GP6: variants seen among roughly 807,000 people sequenced by gnomAD.
The protein encoded by GP6 is platelet glycoprotein VI.
A neutral mutation model predicts 37.3 loss-of-function variants in GP6; 45 were observed. The observed-to-expected ratio is 1.21, with a 90% CI of 0.95 to 1.55. The LOEUF (loss-of-function observed/expected upper bound fraction) is 1.55, where lower values mean the gene tolerates loss of function less well. Ranked by LOEUF, GP6 falls within the 40% of genes most tolerant of loss-of-function variation. The pLI, the probability that GP6 is intolerant of heterozygous loss-of-function variation, is 0.00. For synonymous variants in GP6, 340 were observed against 316.4 expected, an observed-to-expected ratio of 1.07 and a Z score of -0.79; for missense variants, 813 against 760.2, an observed-to-expected ratio of 1.07 and a Z score of -0.82.
Position 55,015,695 on chromosome 19 carries a change from C to A in GP6, c.763G>T (p.Asp255Tyr), listed in dbSNP as rs770106401. 1 of 1,581,240 alleles carries A rather than the reference C, an allele frequency of 6.3e-7. No homozygotes were observed. Among genetic ancestry groups the A allele is most frequent in the African/African-American group, 1.3e-5 (1 of 74,602 alleles). ...ATGACTTACTCACCAGCTGGAGAGT[C>A]TGACTCCTTTGGACTGGCGGTGATA... Residue 255 changes from aspartate to tyrosine, a missense_variant, in exon 7 of 8, where the codon GAC becomes TAC. By Grantham distance (160) the Asp-to-Tyr change is radical (BLOSUM62 -3). Coordinates refer to ENST00000310373, the MANE Select transcript of GP6 (RefSeq NM_001083899.2).
chr19:55,029,351 TATATATATATATATATATATATA>T (rs1244525736), intron 3 of GP6, among the ~76,000 whole-genome samples: 340 of 3,356 alleles, frequency 0.1, 10 homozygotes, highest in East Asian at 0.16. Context: ...TATATATATA[TATATATATATATATATATATATA>T]TTTTTTTTTT....
intron 6 of GP6, among the ~76,000 whole-genome samples, chr19:55,016,936 G>T (rs888304732): frequency 6.6e-6 from 1 of 151,796 alleles, no homozygotes; most frequent in African/African-American, 2.4e-5. Flanking sequence ...CACACCTGTA[G>T]TCCCAGCTAC....
rs2074598431 is a variant in GP6, at chr19:55,032,402, A to G, written c.68-6T>C. On this transcript the variant is annotated splice_region_variant and splice_polypyrimidine_tract_variant and intron_variant, in intron 2 of 7. Transcript: ENST00000310373. Reference sequence around the variant, plus strand: ...GGAGGGCTTGGGGAGCGGTCCTGGAAGAGGAGCAGGGCTGGGTCAGCCTCC... The same window carrying G: ...GGAGGGCTTGGGGAGCGGTCCTGGAGGAGGAGCAGGGCTGGGTCAGCCTCC... 6.2e-7 allele frequency: 1 copy of G among 1,612,388 alleles called. No homozygotes were observed. The highest frequency in any genetic ancestry group is 1.1e-5 in the South Asian group (1 of 90,872).
In GP6 at chr19:55,014,241, G is replaced by C. The variant is rs749043915; in HGVS notation, c.1704C>G (p.Tyr568Ter). Residue 568 changes from tyrosine (Y) to a stop codon, truncating the protein, a stop_gained, in exon 8 of 8, where the codon TAC becomes TAG. Coordinates refer to ENST00000310373, the MANE Select transcript of GP6 (RefSeq NM_001083899.2). LOFTEE classifies it high-confidence loss of function. Reference sequence around the variant, plus strand: ...ACCTCAGCCCCCTGAGTTGCTGGGAGTATAGGGATGCACCACCACACCTGG... The same window carrying C: ...ACCTCAGCCCCCTGAGTTGCTGGGACTATAGGGATGCACCACCACACCTGG... 1.1e-6 allele frequency: 1 copy of C among 914,264 alleles called. No homozygotes were observed. Among genetic ancestry groups the C allele is most frequent in the Non-Finnish European group, 1.8e-6 (1 of 556,758 alleles). The allele number at this position is 914,264 out of a possible 1,614,324, so 56.6% of individuals were successfully genotyped here. A position where few individuals can be genotyped will look rare whatever the true frequency, so the allele number is the denominator to read the frequency against.
intron 3 of GP6, among the ~76,000 whole-genome samples, chr19:55,030,762 G>A (rs2074533724): frequency 1.3e-5 from 2 of 152,338 alleles, no homozygotes; most frequent in South Asian, 4.1e-4. Context: ...CGGGGTCTGG[G>A]AACAGAAATA....
chr19:55,026,479 T>C (rs2074306935), intron 4 of GP6, among the ~76,000 whole-genome samples: 1 of 152,228 alleles, frequency 6.6e-6, no homozygotes, highest in African/African-American at 2.4e-5. Context: ...TCAAGGTATA[T>C]CCATGTTGTA....
At chr19:55,029,083 G>C (rs1387875887) in intron 3 of GP6, among the ~76,000 whole-genome samples, 2 of 143,892 alleles carry the variant, frequency 1.4e-5, no homozygotes, top group Non-Finnish European at 3.0e-5. Context: ...CACTCAACAA[G>C]AAGAAAAAGA....
chr19:55,032,309 G>A lies in GP6; in HGVS notation c.155C>T (p.Pro52Leu), dbSNP rs764355964. Residue 52 changes from proline to leucine, a missense_variant, in exon 3 of 8, where the codon CCG becomes CTG. Transcript: ENST00000310373. ...CTCCAGGCGGTACAGGTCCACGCCC[G>A]GAGGTCCCTGGCACCGGAGGGTCAC... 26 of 1,614,008 alleles carry A rather than the reference G, an allele frequency of 1.6e-5. No homozygotes were observed. The highest frequency in any genetic ancestry group is 5.5e-5 in the South Asian group (5 of 91,090).
intron 3 of GP6, 141 bp downstream of exon 3, chr19:55,031,998 G>A (rs563381976): frequency 5.0e-6 from 4 of 807,428 alleles, no homozygotes; most frequent in African/African-American, 3.4e-5. Context: ...TATTCACATT[G>A]ATCCATAAAT....
At chr19:55,024,300 G>GCTCA (rs2074200482) in intron 5 of GP6, among the ~76,000 whole-genome samples, 1 of 121,864 alleles carries the variant, frequency 8.2e-6, no homozygotes, top group Non-Finnish European at 1.7e-5. Context: ...ATGCACGCAT[G>GCTCA]CACACACATA....
chr19:55,022,123 C>G (rs1454314788), intron 5 of GP6, among the ~76,000 whole-genome samples: 2 of 152,024 alleles, frequency 1.3e-5, no homozygotes, highest in East Asian at 3.9e-4. Context: ...ATGATACTTT[C>G]TTTTGCTGAG....
intron 6 of GP6, among the ~76,000 whole-genome samples, chr19:55,016,225 T>A (rs1180729150): frequency 2.0e-5 from 3 of 152,080 alleles, no homozygotes; most frequent in Non-Finnish European, 4.4e-5. Context: ...GTCAGTTATC[T>A]GGCAAGTGAC....
chr19:55,025,385 T>C (rs1316064186), intron 4 of GP6, 114 bp from the exon 5 acceptor site: 3 of 741,028 alleles, frequency 4.0e-6, no homozygotes, highest in Non-Finnish European at 7.4e-6. Flanking sequence ...CTAAAGTAGC[T>C]TACATCACTG....
chr19:55,014,180 T>C lies in GP6; in HGVS notation c.1765A>G (p.Ser589Gly), dbSNP rs190384471. 1.8e-4 allele frequency: 127 copies of C among 710,484 alleles called. 3 individuals carry two copies. The East Asian group carries it at 2.7e-3, about 15-fold the overall frequency. 44.0% of individuals were successfully genotyped at this position (710,484 alleles called of 1,614,324 possible). A position where few individuals can be genotyped will look rare whatever the true frequency, so the allele number is the denominator to read the frequency against. Residue 589 changes from serine (S) to glycine (G), a missense_variant, in exon 8 of 8, where the codon AGT (serine) becomes GGT (glycine). Coordinates refer to ENST00000310373, the MANE Select transcript of GP6 (RefSeq NM_001083899.2). ...GTGCAGTGGTGTGATCTCAGCTCAC[T>C]GCAACCTCTGCCTCCCAGGCTCAAG...
At chr19:55,034,225 T>G (rs1030325135) in intron 1 of GP6, among the ~76,000 whole-genome samples, 1 of 151,704 alleles carries the variant, frequency 6.6e-6, no homozygotes, top group South Asian at 2.1e-4. Context: ...CCTCCTGGAA[T>G]TGCTTGAGCC....
In GP6 at chr19:55,014,912, G is replaced by T; in HGVS notation, c.1033C>A (p.Pro345Thr). 6.2e-7 allele frequency: 1 copy of T among 1,613,648 alleles called. No homozygotes were observed. ...TCCCTTGGATACGACCGTGCCTGGG[G>T]TTCAGCGGTCATGAACATAACCCGC... is the stretch of plus-strand genomic sequence containing the variant. The change falls in exon 8 of 8, where the codon CCC becomes ACC. Residue 345 changes from proline to threonine, a missense_variant. Transcript: ENST00000310373.
chr19:55,023,919 C>G (rs1004460720), intron 5 of GP6, among the ~76,000 whole-genome samples: 2 of 150,834 alleles, frequency 1.3e-5, no homozygotes, highest in African/African-American at 2.4e-5. Flanking sequence ...TTAATGGATA[C>G]CAGGAGTTAG....
Position 55,032,385 on chromosome 19 carries a change from T to TG in GP6, c.78dup (p.Lys27GlnfsTer115). On this transcript the variant is annotated frameshift_variant, in exon 3 of 8. Transcript: ENST00000310373. LOFTEE classifies it high-confidence loss of function. ...CTGGGCAGAGCCTGGAGGGAGGGCT[T>TG]GGGGAGCGGTCCTGGAAGAGGAGCA... is the stretch of plus-strand genomic sequence containing the variant. The TG allele has an allele frequency of 1.9e-6, 3 of 1,613,040 alleles. No individual in the cohort carries two copies. Among genetic ancestry groups the TG allele is most frequent in the Non-Finnish European group, 2.5e-6 (3 of 1,179,496 alleles).
rs754590544 is a variant in GP6 at position 55,014,975 on chromosome 19, G to A, written c.970C>T (p.Arg324Trp). The A allele has an allele frequency of 2.4e-5, 39 of 1,612,818 alleles. No homozygotes were observed. The highest frequency in any genetic ancestry group is 2.8e-5 in the Non-Finnish European group (33 of 1,179,280). ...CCTGTCGGCCTCCATCCTGACCCCC[G>A]TTTGATTTCCGGGTCAGCGGGAGGG... The change falls in exon 8 of 8, where the codon CGG (arginine) becomes TGG (tryptophan). Residue 324 changes from arginine (R) to tryptophan (W), a missense_variant. Transcript: ENST00000310373.
Sources: allele counts gnomAD v4.1 joint callset (sites outside exome capture counted in the v4.1 genomes callset), GRCh38; gene constraint gnomAD v4.1.1; transcripts MANE v1.5; gene names NCBI Gene and HGNC (gene_info 2026-07-23, HGNC 2026-07-21).